RAB38: variants seen among roughly 807,000 people sequenced by gnomAD.
RAB38 encodes the protein ras-related protein Rab-38.
RAB38 carries 15 observed loss-of-function variants against 18.4 expected under a neutral mutation model. That is an observed-to-expected ratio of 0.82 (90% CI 0.55 to 1.26). RAB38 has a LOEUF of 1.26. Ranked by LOEUF, RAB38 falls within the 50% of genes most tolerant of loss-of-function variation. The pLI is 0.00. For missense variants in RAB38, 294 were observed against 267.4 expected, an observed-to-expected ratio of 1.10 and a Z score of -0.69; for synonymous variants, 101 against 104.4, an observed-to-expected ratio of 0.97 and a Z score of 0.20.
the RAB38 span, among the ~76,000 whole-genome samples, chr11:88,013,196 C>G: frequency 7.3e-6 from 1 of 136,626 alleles, no homozygotes; most frequent in Non-Finnish European, 1.7e-5. Context: ...GTTATCTAAT[C>G]TCAGATACCT....
chr11:88,135,442 C>T (rs1285610432), intron 2 of RAB38, among the ~76,000 whole-genome samples: 2 of 152,048 alleles, frequency 1.3e-5, no homozygotes, highest in Non-Finnish European at 2.9e-5. Context: ...TAGATAAAAC[C>T]GTAAAATAAA....
the RAB38 span, among the ~76,000 whole-genome samples, chr11:88,042,885 C>T: frequency 1.3e-5 from 2 of 152,172 alleles, no homozygotes; most frequent in Non-Finnish European, 2.9e-5. Context: ...AGGCTGAGAA[C>T]AGAAATGTCT....
chr11:88,095,194 G>A, the RAB38 span, among the ~76,000 whole-genome samples: 1 of 151,794 alleles, frequency 6.6e-6, no homozygotes, highest in Non-Finnish European at 1.5e-5. Flanking sequence ...CAAAAATACA[G>A]AACAAAATGA....
the RAB38 span, among the ~76,000 whole-genome samples, chr11:87,946,671 G>A: frequency 6.6e-6 from 1 of 152,042 alleles, no homozygotes; most frequent in African/African-American, 2.4e-5. Context: ...ATAGTTTGCT[G>A]AGAATGATGG....
chr11:87,805,746 T>C, the RAB38 span, among the ~76,000 whole-genome samples: 1 of 152,030 alleles, frequency 6.6e-6, no homozygotes, highest in South Asian at 2.1e-4. Flanking sequence ...CATACATATA[T>C]ACACATACAT....
chr11:88,029,024 G>T, the RAB38 span, among the ~76,000 whole-genome samples: 15,875 of 152,000 alleles, frequency 0.1, 1,612 homozygotes, highest in East Asian at 0.33. Flanking sequence ...GACTAACAGC[G>T]GATCTCTCGG....
chr11:87,875,570 T>C, the RAB38 span, among the ~76,000 whole-genome samples: 75 of 151,586 alleles, frequency 4.9e-4, no homozygotes, highest in African/African-American at 1.7e-3. Flanking sequence ...TGGGGATAAT[T>C]TATATCTTTG....
At chr11:88,132,953 C>T (rs1942783927) in intron 2 of RAB38, among the ~76,000 whole-genome samples, 1 of 152,018 alleles carries the variant, frequency 6.6e-6, no homozygotes, top group Non-Finnish European at 1.5e-5. Flanking sequence ...TTTAGTTGAC[C>T]GTAAGTACAA....
the RAB38 span, among the ~76,000 whole-genome samples, chr11:87,934,376 G>T: frequency 5.9e-5 from 9 of 152,128 alleles, no homozygotes; most frequent in East Asian, 1.7e-3. Flanking sequence ...AATTATTTCT[G>T]CCATGTCATC....
At chr11:87,973,799 G>A in the RAB38 span, among the ~76,000 whole-genome samples, 1 of 150,578 alleles carries the variant, frequency 6.6e-6, no homozygotes, top group African/African-American at 2.4e-5. Context: ...ATATACTGGA[G>A]GACCAATCCA....
the RAB38 span, among the ~76,000 whole-genome samples, chr11:87,899,624 A>AC: frequency 6.6e-6 from 1 of 151,502 alleles, no homozygotes; most frequent in Non-Finnish European, 1.5e-5. Flanking sequence ...ATTCCTCTCT[A>AC]CCCCAATGTC....
At chr11:87,860,343 AATAAC>A in the RAB38 span, among the ~76,000 whole-genome samples, 1 of 152,004 alleles carries the variant, frequency 6.6e-6, no homozygotes, top group Non-Finnish European at 1.5e-5. Flanking sequence ...AATATTGCCA[AATAAC>A]ATAAACAGAA....
the RAB38 span, among the ~76,000 whole-genome samples, chr11:88,076,397 TC>T: frequency 6.6e-6 from 1 of 152,156 alleles, no homozygotes; most frequent in Non-Finnish European, 1.5e-5. Flanking sequence ...CCATTGTTAT[TC>T]AGTGTAATAC....
the RAB38 span, among the ~76,000 whole-genome samples, chr11:87,936,650 A>G: frequency 1.3e-5 from 2 of 152,068 alleles, no homozygotes; most frequent in Non-Finnish European, 2.9e-5. Context: ...AAATAGTTTG[A>G]GATATTCTAG....
At chr11:87,815,050 A>T in the RAB38 span, 1 of 152,082 alleles carries the variant, frequency 6.6e-6, no homozygotes, top group Non-Finnish European at 1.5e-5. Flanking sequence ...GCTTATTTTC[A>T]ATTAGGGCAG....
the RAB38 span, among the ~76,000 whole-genome samples, chr11:87,935,616 A>G: frequency 6.6e-6 from 1 of 152,110 alleles, no homozygotes; most frequent in East Asian, 1.9e-4. Context: ...GTGTAGCCTT[A>G]CTGTTTTCCC....
the RAB38 span, among the ~76,000 whole-genome samples, chr11:88,099,133 C>G: frequency 1.3e-5 from 2 of 151,444 alleles, no homozygotes; most frequent in African/African-American, 4.8e-5. Flanking sequence ...TATTAAAAAC[C>G]AATAGAACTA....
At chr11:87,951,027 C>T in the RAB38 span, among the ~76,000 whole-genome samples, 2 of 152,210 alleles carry the variant, frequency 1.3e-5, no homozygotes, top group Admixed American at 6.5e-5. Flanking sequence ...GTACACCAAT[C>T]AGACATAGAG....
At chr11:87,976,711 T>C in the RAB38 span, among the ~76,000 whole-genome samples, 42 of 120,604 alleles carry the variant, frequency 3.5e-4, no homozygotes, top group Non-Finnish European at 5.9e-4. Flanking sequence ...TTTACATATT[T>C]ATATTTCTAT....
Sources: gnomAD v4.1 joint callset for allele counts (sites outside exome capture counted in the v4.1 genomes callset) on GRCh38, gnomAD v4.1.1 for gene constraint, MANE v1.5 for transcripts, NCBI Gene and HGNC (gene_info 2026-07-23, HGNC 2026-07-21) for gene names.